The following POU3F3 variants were observed in gnomAD, a reference collection of about 807,000 sequenced individuals.
POU3F3 encodes the protein POU domain, class 3, transcription factor 3.
POU3F3 carries 1 observed loss-of-function variant against 8.6 expected under a neutral mutation model. The ratio of observed to expected loss-of-function variants is 0.12; its 90% CI spans 0.04 to 0.55. POU3F3 has a LOEUF of 0.55. Among genes scored for constraint, POU3F3 ranks in the 20% least tolerant of loss-of-function variants. The pLI is 0.91. For synonymous variants in POU3F3, 418 were observed against 327.4 expected (o/e 1.28, Z -2.99); for missense variants, 577 against 690.7 (o/e 0.84, Z 1.84).
the POU3F3 span, among the ~76,000 whole-genome samples, chr2:104,906,647 G>A: frequency 6.6e-6 from 1 of 152,228 alleles, no homozygotes; most frequent in East Asian, 1.9e-4. Flanking sequence ...CAGCAAAGTT[G>A]TTTCTCCATT....
At chr2:104,899,616 T>C in the POU3F3 span, among the ~76,000 whole-genome samples, 2 of 152,096 alleles carry the variant, frequency 1.3e-5, no homozygotes, top group African/African-American at 2.4e-5. Flanking sequence ...TGCAGAATAA[T>C]GAACAGTAGC....
At chr2:104,880,332 T>C in the POU3F3 span, among the ~76,000 whole-genome samples, 4 of 152,234 alleles carry the variant, frequency 2.6e-5, no homozygotes, top group East Asian at 7.7e-4. Flanking sequence ...GAGAAAACCC[T>C]CCCTTGGCTC....
At chr2:104,859,207 GC>G (rs1676627489), downstream of POU3F3, among the ~76,000 whole-genome samples, 1 of 152,058 alleles carries the variant, frequency 6.6e-6, no homozygotes, top group Non-Finnish European at 1.5e-5. Flanking sequence ...TACCATCTGT[GC>G]AATTACCAAC....
At chr2:104,927,561 G>T in the POU3F3 span, among the ~76,000 whole-genome samples, 4 of 151,948 alleles carry the variant, frequency 2.6e-5, no homozygotes, top group Admixed American at 6.6e-5. Flanking sequence ...TCGAGATCAC[G>T]CTGGGCAACA....
At position 104,855,751 on chromosome 2, in the gene POU3F3, G is replaced by C; in HGVS notation, c.241G>C (p.Ala81Pro). Residue 81 changes from alanine (A) to proline (P), a missense_variant, in exon 1 of 1, where the codon GCC (alanine) becomes CCC (proline). Ala to Pro is a conservative substitution (Grantham distance 27). Around this residue, in one of 7 missense-constraint regions of POU3F3, gnomAD observed 484 missense variants for 422.6 expected, o/e 1.15. Transcript: ENST00000361360. The part of the protein sequence containing the change: ...KMVQSDFMQG[A>P]MAASNGGHML... Reference sequence around the variant, plus strand: ...GGTCCAGAGCGACTTCATGCAGGGGGCCATGGCCGCCAGCAACGGCGGCCA... The same window carrying C: ...GGTCCAGAGCGACTTCATGCAGGGGCCCATGGCCGCCAGCAACGGCGGCCA... 1 of 1,319,702 alleles carries C rather than the reference G, an allele frequency of 7.6e-7. No homozygotes were observed. Among genetic ancestry groups the C allele is most frequent in the Non-Finnish European group, 9.9e-7 (1 of 1,012,050 alleles). 81.7% of individuals were successfully genotyped at this position (1,319,702 alleles called of 1,614,324 possible).
chr2:104,894,206 G>A, the POU3F3 span, among the ~76,000 whole-genome samples: 35 of 152,278 alleles, frequency 2.3e-4, no homozygotes, highest in Admixed American at 8.5e-4. Flanking sequence ...AGTTGTACCC[G>A]GTGCACAGCA....
At chr2:104,920,773 G>A in the POU3F3 span, among the ~76,000 whole-genome samples, 3 of 152,100 alleles carry the variant, frequency 2.0e-5, no homozygotes, top group East Asian at 5.8e-4. Flanking sequence ...TAAAATAAAT[G>A]TGACATAAAT....
In POU3F3 at chr2:104,857,132, G is replaced by A. The variant is rs1249141236; in HGVS notation, c.*119G>A. 5.2e-6 allele frequency: 5 copies of A among 957,670 alleles called. No homozygotes were observed. The highest frequency in any genetic ancestry group is 1.1e-4 in the East Asian group (1 of 8,714). 59.3% of individuals were successfully genotyped at this position (957,670 alleles called of 1,614,324 possible). ...CCGCCGCCGCTGCCGCCGCCGCGCC[G>A]ACCCTGCACCTGGGCCGCTCCGGGC... On this transcript the variant is annotated 3_prime_UTR_variant, in exon 1 of 1. Coordinates refer to ENST00000361360, the MANE Select transcript of POU3F3 (RefSeq NM_006236.3).
chr2:104,857,393 T>G lies in POU3F3; in HGVS notation c.*380T>G, dbSNP rs1485042378. On this transcript the variant is annotated 3_prime_UTR_variant, in exon 1 of 1. Coordinates refer to ENST00000361360, the MANE Select transcript of POU3F3 (RefSeq NM_006236.3). ...AGATCTCGTTCATACTGTGGTGGTG[T>G]TTCGTTTTTGTTTTTGTTTTTAAAG... is the stretch of plus-strand genomic sequence containing the variant. 2 of 153,834 alleles carry G rather than the reference T, an allele frequency of 1.3e-5. No homozygotes were observed. The highest frequency in any genetic ancestry group is 2.4e-5 in the African/African-American group (1 of 41,350). The allele number at this position is 153,834 out of a possible 1,614,324, so 9.5% of individuals were successfully genotyped here.
rs1573318661 is a variant in POU3F3, at chr2:104,854,931, C to T, written c.-580C>T. Among the ~76,000 whole-genome samples the T allele has an allele frequency of 6.6e-6, 1 of 152,218 alleles. No individual in the cohort carries two copies. The highest frequency in any genetic ancestry group is 2.1e-4 in the South Asian group (1 of 4,828). On this transcript the variant is annotated 5_prime_UTR_variant, in exon 1 of 1. Coordinates refer to ENST00000361360, the MANE Select transcript of POU3F3 (RefSeq NM_006236.3). The surrounding 1 kb of genome is among the most constrained non-coding windows in gnomAD (Gnocchi z 4.5). ...GTAATTTGGCTAAGGAAGAAAGGAG[C>T]AGCTTCTTTCTTTGTTATCTCCCGT... is the stretch of plus-strand genomic sequence containing the variant.
At chr2:104,886,660 G>A in the POU3F3 span, among the ~76,000 whole-genome samples, 1 of 152,156 alleles carries the variant, frequency 6.6e-6, no homozygotes, top group South Asian at 2.1e-4. Context: ...GTAATCCCAG[G>A]ACTTTTAGAG....
chr2:104,897,753 A>G, the POU3F3 span, among the ~76,000 whole-genome samples: 35 of 152,356 alleles, frequency 2.3e-4, no homozygotes, highest in African/African-American at 7.9e-4. Context: ...GTGAGACATC[A>G]CCTCAAACCA....
At chr2:104,894,344 G>T in the POU3F3 span, among the ~76,000 whole-genome samples, 1 of 152,200 alleles carries the variant, frequency 6.6e-6, no homozygotes, top group East Asian at 1.9e-4. Context: ...ATCATTATAT[G>T]AAAGGATTAG....
chr2:104,859,933 G>T (rs1676635404), downstream of POU3F3, among the ~76,000 whole-genome samples: 1 of 152,124 alleles, frequency 6.6e-6, no homozygotes, highest in Non-Finnish European at 1.5e-5. Flanking sequence ...GTCTAGAGAG[G>T]CAAGCAAAGA....
chr2:104,860,835 T>G (rs938033638), downstream of POU3F3, among the ~76,000 whole-genome samples: 6 of 148,794 alleles, frequency 4.0e-5, no homozygotes, highest in African/African-American at 1.5e-4. Flanking sequence ...TCGTTATTGA[T>G]CTTAGCGATT....
In POU3F3 at chr2:104,855,476, TGGTGGCGGC is replaced by T. The variant is rs1306563425; in HGVS notation, c.-29_-21del. ...GCTGCTGCTGCGGCGGCGGCGGCGG[TGGTGGCGGC>T]GGTGGGGTGGCGGGAGCGGAGCGGC... is the stretch of plus-strand genomic sequence containing the variant. On this transcript the variant is annotated 5_prime_UTR_variant, in exon 1 of 1. Transcript: ENST00000361360. 1.5e-6 allele frequency: 1 copy of T among 668,000 alleles called. No individual in the cohort carries two copies. The highest frequency in any genetic ancestry group is 1.3e-4 in the Admixed American group (1 of 7,580). 41.4% of individuals were successfully genotyped at this position (668,000 alleles called of 1,614,324 possible).
chr2:104,894,207 G>A, the POU3F3 span, among the ~76,000 whole-genome samples: 5 of 152,306 alleles, frequency 3.3e-5, no homozygotes, highest in East Asian at 9.6e-4. Flanking sequence ...GTTGTACCCG[G>A]TGCACAGCAC....
chr2:104,865,979 TACA>T, the POU3F3 span: 5 of 152,234 alleles, frequency 3.3e-5, no homozygotes, highest in African/African-American at 4.8e-5. Context: ...AAACAACATC[TACA>T]AACTATTTTA....
At position 104,855,470 on chromosome 2, in the gene POU3F3, CG is replaced by C; in HGVS notation, c.-39del. 1.1e-6 allele frequency: 1 copy of C among 907,958 alleles called. No homozygotes were observed. The highest frequency in any genetic ancestry group is 1.3e-6 in the Non-Finnish European group (1 of 775,702). The allele number at this position is 907,958 out of a possible 1,614,324, so 56.2% of individuals were successfully genotyped here. A position where few individuals can be genotyped will look rare whatever the true frequency, so the allele number is the denominator to read the frequency against. On this transcript the variant is annotated 5_prime_UTR_variant, in exon 1 of 1. Transcript: ENST00000361360. ...GCCGCGGCTGCTGCTGCGGCGGCGG[CG>C]GCGGTGGTGGCGGCGGTGGGGTGGC...
Sources: gnomAD v4.1 joint callset for allele counts (sites outside exome capture counted in the v4.1 genomes callset) on GRCh38, gnomAD v4.1.1 for gene constraint, gnomAD v4.1.1 regional missense constraint, Gnocchi (gnomAD v3.1) non-coding constraint, MANE v1.5 for transcripts, NCBI Gene and HGNC (gene_info 2026-07-23, HGNC 2026-07-21) for gene names.